The following TSC2 variants were observed in gnomAD, a reference collection of about 807,000 sequenced individuals.
The protein encoded by TSC2 is TSC complex subunit 2, also known as tuberin.
A neutral mutation model predicts 202.2 loss-of-function variants in TSC2; 29 were observed. The observed-to-expected ratio is 0.14, with a 90% CI of 0.11 to 0.20. The LOEUF (loss-of-function observed/expected upper bound fraction) is 0.20, where lower values mean the gene tolerates loss of function less well. Among genes scored for constraint, TSC2 ranks in the 10% least tolerant of loss-of-function variants. TSC2 has a pLI of 1.00. For synonymous variants in TSC2, 1,349 were observed against 1,044.0 expected, an observed-to-expected ratio of 1.29 and a Z score of -5.63; for missense variants, 2,429 against 2,420.0, an observed-to-expected ratio of 1.00 and a Z score of -0.08.
At chr16:2,082,812 G>A in intron 32 of TSC2, 2 of 516,592 alleles carry the variant, frequency 3.9e-6, no homozygotes, top group South Asian at 2.0e-5. Context: ...TGCAGACTCT[G>A]ATGGGTGGCA....
Position 2,072,941 on chromosome 16 carries a change from A to T in TSC2, c.2313A>T (p.Thr771=), listed in dbSNP as rs876658215. The stretch of plus-strand genomic sequence containing the variant: ...ACCTGGCCGTGGTTCCAGTGCTGAC[A>T]GCATTAATCTCTTACCATAACTACC... ...DLHLAVVPVL[T]ALISYHNYLD... Residue 771 remains threonine (T), a synonymous_variant, in exon 21 of 42, where the codon ACA becomes ACT. Coordinates refer to ENST00000219476, the MANE Select transcript of TSC2 (RefSeq NM_000548.5). 1 of 1,613,644 alleles carries T rather than the reference A, an allele frequency of 6.2e-7. No homozygotes were observed. The highest frequency in any genetic ancestry group is 1.6e-4 in the Middle Eastern group (1 of 6,062).
At chr16:2,063,436 C>G (rs553031420) in intron 14 of TSC2, 4 of 366,328 alleles carry the variant, frequency 1.1e-5, no homozygotes, top group African/African-American at 4.2e-5. Context: ...ATCGCCAGCC[C>G]TGCCTGGTCT....
intron 16 of TSC2, among the ~76,000 whole-genome samples, chr16:2,069,770 G>A (rs181088346): frequency 0.022 from 3,287 of 151,524 alleles, 132 homozygotes; most frequent in African/African-American, 0.075. Flanking sequence ...GTGAGCCACT[G>A]TGCCCGGCCT....
chr16:2,074,096 A>G, intron 21 of TSC2, 104 bp from the exon 22 acceptor site: 1 of 1,468,598 alleles, frequency 6.8e-7, no homozygotes, highest in Non-Finnish European at 9.3e-7. Flanking sequence ...GGGACTTGCT[A>G]AGCCTCGGCT....
At chr16:2,078,908 C>T in intron 26 of TSC2, 124 bp from the exon 27 acceptor site, 1 of 1,332,140 alleles carries the variant, frequency 7.5e-7, no homozygotes, top group Admixed American at 1.7e-5. Flanking sequence ...GCCGCCCACG[C>T]CCTGTTGGGG....
At chr16:2,069,420 G>A (rs992564427) in intron 16 of TSC2, among the ~76,000 whole-genome samples, 2 of 151,470 alleles carry the variant, frequency 1.3e-5, no homozygotes, top group Non-Finnish European at 2.9e-5. Flanking sequence ...GGGTTCAAGC[G>A]ATTCTCCTGC....
intron 21 of TSC2, among the ~76,000 whole-genome samples, chr16:2,073,845 T>C (rs1160813394): frequency 1.3e-5 from 2 of 152,268 alleles, no homozygotes; most frequent in Non-Finnish European, 2.9e-5. Context: ...TCTTCTGCTG[T>C]CCTCATGGAA....
intron 25 of TSC2, among the ~76,000 whole-genome samples, chr16:2,077,048 G>C (rs2089488998): frequency 6.6e-6 from 1 of 152,196 alleles, no homozygotes; most frequent in Non-Finnish European, 1.5e-5. Context: ...AGCTATTTTG[G>C]CTTTCCCTAG....
intron 32 of TSC2, chr16:2,083,457 G>C (rs1032438075): frequency 4.5e-6 from 3 of 666,880 alleles, no homozygotes; most frequent in South Asian, 3.4e-5. Context: ...GGTGGGCAGA[G>C]CCGATTGCCT....
rs928624649 is a variant in TSC2 at position 2,056,822 on chromosome 16, A to G, written c.774+53A>G. The stretch of plus-strand genomic sequence containing the variant: ...GTTCCTGAGAGCACATGGATGGGAC[A>G]AGGGCCATCCTGTCTCCCATGAATG... On this transcript the variant is annotated intron_variant, in intron 8 of 41. Coordinates refer to ENST00000219476, the MANE Select transcript of TSC2 (RefSeq NM_000548.5). 5.0e-6 allele frequency: 8 copies of G among 1,599,902 alleles called. No homozygotes were observed. In the African/African-American group the frequency reaches 5.3e-5, roughly 11 times the overall value.
chr16:2,082,538 G>C, intron 32 of TSC2, 34 bp downstream of exon 32: 1 of 1,605,178 alleles, frequency 6.2e-7, no homozygotes, highest in South Asian at 1.1e-5. Flanking sequence ...GTTGGCTGCA[G>C]AGCGCCACTC....
intron 14 of TSC2, 122 bp from the exon 15 acceptor site, chr16:2,064,150 C>A: frequency 6.7e-7 from 1 of 1,503,734 alleles, no homozygotes. Flanking sequence ...CTCTGCCCAG[C>A]TGTGCTGAAG....
rs775642056 is a variant in TSC2, at chr16:2,055,478, C to A, written c.558C>A (p.Phe186Leu). Residue 186 changes from phenylalanine (F) to leucine (L), a missense_variant, in exon 6 of 42, where the codon TTC (phenylalanine) becomes TTA (leucine). Physicochemically the swap from Phe to Leu is conservative, Grantham distance 22. Coordinates refer to ENST00000219476, the MANE Select transcript of TSC2 (RefSeq NM_000548.5). The stretch of plus-strand genomic sequence containing the variant: ...TGGTGCTGGTGAACTTGGTCAAATT[C>A]AATAGCTGTTACCTCGACGAGTACA... ...FLLVLVNLVKFNSCYLDEYIA... is the reference protein window; with the variant it reads ...FLLVLVNLVKLNSCYLDEYIA... The A allele has an allele frequency of 6.2e-7, 1 of 1,614,176 alleles. No homozygotes were observed. The highest frequency in any genetic ancestry group is 8.5e-7 in the Non-Finnish European group (1 of 1,180,034).
At position 2,072,370 on chromosome 16, in the gene TSC2, T is replaced by C. The variant is rs1431356866; in HGVS notation, c.2220+7T>C. Reference sequence around the variant, plus strand: ...CTCTGCTCTCTGCTCCATGGTACCATGGCCGGCCTGGGGTTGGGGTGGGGG... The same window carrying C: ...CTCTGCTCTCTGCTCCATGGTACCACGGCCGGCCTGGGGTTGGGGTGGGGG... On this transcript the variant is annotated splice_region_variant and intron_variant, in intron 20 of 41. Coordinates refer to ENST00000219476, the MANE Select transcript of TSC2 (RefSeq NM_000548.5). The C allele has an allele frequency of 6.3e-7, 1 of 1,596,386 alleles. No homozygotes were observed.
intron 35 of TSC2, 52 bp from the exon 36 acceptor site, chr16:2,085,178 G>T (rs938025969): frequency 6.2e-7 from 1 of 1,610,434 alleles, no homozygotes; most frequent in South Asian, 1.1e-5. Context: ...TGGGTGGGGC[G>T]GCCTCCTGTG....
chr16:2,061,486 A>G, intron 11 of TSC2: 1 of 363,458 alleles, frequency 2.8e-6, no homozygotes, highest in South Asian at 2.3e-5. Context: ...AGAGGCAAGA[A>G]AGGCTTGTAG....
intron 32 of TSC2, chr16:2,082,905 C>G (rs2090313567): frequency 2.6e-6 from 1 of 383,754 alleles, no homozygotes; most frequent in Admixed American, 3.6e-5. Flanking sequence ...GCCTCTGGAA[C>G]CCACAGATGG....
At chr16:2,061,018 C>A in intron 11 of TSC2, 1 of 667,740 alleles carries the variant, frequency 1.5e-6, no homozygotes, top group Non-Finnish European at 2.5e-6. Flanking sequence ...TCGTTTAGGC[C>A]CCAGACAGGA....
At position 2,084,656 on chromosome 16, in the gene TSC2, C is replaced by T. The variant is rs758374702; in HGVS notation, c.4434C>T (p.Asp1478=). Residue 1478 remains aspartate (D), a synonymous_variant, in exon 34 of 42, where the codon GAC becomes GAT. Coordinates refer to ENST00000219476, the MANE Select transcript of TSC2 (RefSeq NM_000548.5). ...GCAGGGGCAAGAGAGTAGAGAGGGA[C>T]GCCTTAAAGAGCAGAGCCACAGCCT... is the stretch of plus-strand genomic sequence containing the variant. ...PSRRGKRVER[D]ALKSRATASN... 2.9e-5 allele frequency: 47 copies of T among 1,599,010 alleles called. No individual in the cohort carries two copies. Among genetic ancestry groups the T allele is most frequent in the Middle Eastern group, 1.6e-4 (1 of 6,084 alleles).
Sources: allele counts gnomAD v4.1 joint callset (sites outside exome capture counted in the v4.1 genomes callset), GRCh38; gene constraint gnomAD v4.1.1; transcripts MANE v1.5; gene names NCBI Gene and HGNC (gene_info 2026-07-23, HGNC 2026-07-21).